The following LMO7 variants were observed in gnomAD, a reference collection of about 807,000 sequenced individuals.
LMO7 encodes the protein LIM domain only protein 7.
A neutral mutation model predicts 206.5 loss-of-function variants in LMO7; 120 were observed. The ratio of observed to expected loss-of-function variants is 0.58; its 90% confidence interval spans 0.50 to 0.68. The LOEUF (loss-of-function observed/expected upper bound fraction) is 0.68. Among genes scored for constraint, LMO7 ranks in the 30% least tolerant of loss-of-function variants. The probability of loss-of-function intolerance (pLI) is 0.00; values close to 1 mark genes in which losing one functional copy is unlikely to be tolerated. For missense variants in LMO7, 1,959 were observed against 1,957.9 expected (o/e 1.00, Z -0.01); for synonymous variants, 706 against 681.5 (o/e 1.04, Z -0.56).
intron 3 of LMO7, among the ~76,000 whole-genome samples, chr13:75,739,597 C>G (rs747026002): frequency 6.6e-6 from 1 of 152,152 alleles, no homozygotes; most frequent in Non-Finnish European, 1.5e-5. Context: ...TGTTCTTGTA[C>G]CTGTGTGAAA....
chr13:75,697,210 A>G (rs933259643), intron 1 of LMO7, among the ~76,000 whole-genome samples: 1 of 152,178 alleles, frequency 6.6e-6, no homozygotes, highest in African/African-American at 2.4e-5. Flanking sequence ...AAGGCCAAGA[A>G]AATTTTTTTT....
At chr13:75,710,127 C>T (rs1463133778) in intron 1 of LMO7, among the ~76,000 whole-genome samples, 1 of 152,092 alleles carries the variant, frequency 6.6e-6, no homozygotes, top group African/African-American at 2.4e-5. Flanking sequence ...GGCATTATTT[C>T]TGAGGGCTCT....
At chr13:75,807,393 A>T in intron 9 of LMO7, 87 bp from the exon 10 acceptor site, 1 of 1,397,096 alleles carries the variant, frequency 7.2e-7, no homozygotes, top group Admixed American at 2.2e-5. Context: ...TTGGTCTGCT[A>T]ATCACCTTTG....
chr13:75,760,451 C>G, intron 3 of LMO7: 3 of 1,171,054 alleles, frequency 2.6e-6, no homozygotes, highest in Non-Finnish European at 2.1e-6. Flanking sequence ...CACAGTCGTT[C>G]TGTAATTTGT....
intron 3 of LMO7, among the ~76,000 whole-genome samples, chr13:75,734,233 C>G (rs2045577690): frequency 6.6e-6 from 1 of 152,152 alleles, no homozygotes; most frequent in Non-Finnish European, 1.5e-5. Context: ...CCCAAGGTAG[C>G]TACTCAGACG....
chr13:75,821,586 T>C lies in LMO7; in HGVS notation c.2617T>C (p.Ser873Pro). ...RPFGSQTRGISSLPRSYTMDD... is the reference protein window; with the variant it reads ...RPFGSQTRGIPSLPRSYTMDD... Reference sequence around the variant, plus strand: ...CTTTGGCTCTCAGACAAGGGGAATCTCATCACTCCCCAGATCTTACACGGT... The same window carrying C: ...CTTTGGCTCTCAGACAAGGGGAATCCCATCACTCCCCAGATCTTACACGGT... The change falls in exon 14 of 31, where the codon TCA becomes CCA. Residue 873 changes from serine to proline, a missense_variant. Coordinates refer to ENST00000377534, the MANE Select transcript of LMO7 (RefSeq NM_001306080.2). 2.5e-6 allele frequency: 4 copies of C among 1,613,122 alleles called. No homozygotes were observed. The highest frequency in any genetic ancestry group is 1.7e-5 in the Admixed American group (1 of 59,966).
At chr13:75,782,603 CATGTCTCTAG>C (rs1227357574) in intron 4 of LMO7, among the ~76,000 whole-genome samples, 1 of 152,232 alleles carries the variant, frequency 6.6e-6, no homozygotes, top group African/African-American at 2.4e-5. Context: ...TACTCTCCTA[CATGTCTCTAG>C]ATGTCATGTC....
chr13:75,737,299 C>G (rs1566371088), intron 3 of LMO7, among the ~76,000 whole-genome samples: 1 of 152,090 alleles, frequency 6.6e-6, no homozygotes, highest in Non-Finnish European at 1.5e-5. Context: ...TGTGGCTTTG[C>G]TAACACCTTG....
chr13:75,648,933 A>G (rs2037298669), intron 1 of LMO7, among the ~76,000 whole-genome samples: 1 of 152,204 alleles, frequency 6.6e-6, no homozygotes. Context: ...TGGACAGCAA[A>G]GCTACAGGAA....
chr13:75,791,219 C>T (rs1209562092), intron 4 of LMO7, among the ~76,000 whole-genome samples: 1 of 152,084 alleles, frequency 6.6e-6, no homozygotes, highest in African/African-American at 2.4e-5. Flanking sequence ...TTGTACAAAG[C>T]ACTTTGGTCT....
At chr13:75,772,977 G>A (rs1202982937) in intron 4 of LMO7, among the ~76,000 whole-genome samples, 1 of 152,004 alleles carries the variant, frequency 6.6e-6, no homozygotes, top group Non-Finnish European at 1.5e-5. Context: ...GAGTAACAAG[G>A]GTTTAGATAA....
chr13:75,703,739 T>TGCGC (rs139795442), intron 1 of LMO7, among the ~76,000 whole-genome samples: 1 of 151,668 alleles, frequency 6.6e-6, no homozygotes, highest in Admixed American at 6.6e-5. Context: ...TGTGTGTGTG[T>TGCGC]GCACTGTGAG....
At chr13:75,754,800 A>C (rs2047544972) in intron 3 of LMO7, among the ~76,000 whole-genome samples, 1 of 152,220 alleles carries the variant, frequency 6.6e-6, no homozygotes, top group Non-Finnish European at 1.5e-5. Flanking sequence ...AGGCTCTGAA[A>C]GGTGAGGTGT....
chr13:75,621,790 T>G (rs1263762957), exon 1 of LMO7: 1 of 1,613,708 alleles, frequency 6.2e-7, no homozygotes, highest in Non-Finnish European at 8.5e-7. Context: ...TCTGGAAATT[T>G]GGAGGCAACT....
At chr13:75,681,477 G>C (rs2040476884) in intron 1 of LMO7, among the ~76,000 whole-genome samples, 1 of 151,494 alleles carries the variant, frequency 6.6e-6, no homozygotes, top group Non-Finnish European at 1.5e-5. Context: ...ATCCTTTTTA[G>C]TATACTGAGT....
intron 8 of LMO7, 74 bp from the exon 9 acceptor site, chr13:75,805,405 C>T: frequency 6.8e-7 from 1 of 1,481,096 alleles, no homozygotes; most frequent in Non-Finnish European, 9.2e-7. Context: ...CTTTGTGAAC[C>T]AGAAAGCATG....
intron 2 of LMO7, among the ~76,000 whole-genome samples, chr13:75,719,570 T>C (rs1396415167): frequency 6.6e-6 from 1 of 152,174 alleles, no homozygotes; most frequent in Non-Finnish European, 1.5e-5. Flanking sequence ...CGAGACCTGA[T>C]GTTTTAAAAG....
intron 11 of LMO7, among the ~76,000 whole-genome samples, chr13:75,812,962 G>A (rs891906027): frequency 6.6e-6 from 1 of 152,126 alleles, no homozygotes; most frequent in South Asian, 2.1e-4. Context: ...GCTATCTTTG[G>A]TACTTATCTC....
chr13:75,777,510 C>T (rs1439495568), intron 4 of LMO7, among the ~76,000 whole-genome samples: 1 of 152,128 alleles, frequency 6.6e-6, no homozygotes, highest in Non-Finnish European at 1.5e-5. Flanking sequence ...TTACACATCA[C>T]TACTTTTGTG....
Sources: allele counts gnomAD v4.1 joint callset (sites outside exome capture counted in the v4.1 genomes callset), GRCh38; gene constraint gnomAD v4.1.1; transcripts MANE v1.5; gene names NCBI Gene and HGNC (gene_info 2026-07-23, HGNC 2026-07-21).